Variants in SNX25 observed in about 807,000 individuals in gnomAD.
SNX25 encodes sorting nexin-25.
In SNX25, 62 loss-of-function variants were observed where a neutral mutation model predicts 113.7. The observed-to-expected ratio is 0.55, with a 90% CI of 0.44 to 0.67. The LOEUF (loss-of-function observed/expected upper bound fraction) is 0.67, where lower values mean the gene tolerates loss of function less well. Ranked by LOEUF, SNX25 falls within the 30% of genes least tolerant of loss-of-function variation. The pLI is 0.00. For synonymous variants in SNX25, 421 were observed against 436.2 expected, an observed-to-expected ratio of 0.97 and a Z score of 0.43; for missense variants, 1,014 against 1,161.0, an observed-to-expected ratio of 0.87 and a Z score of 1.84.
At chr4:185,329,904 G>T (rs2095182403) in intron 9 of SNX25, among the ~76,000 whole-genome samples, 1 of 152,088 alleles carries the variant, frequency 6.6e-6, no homozygotes, top group South Asian at 2.1e-4. Context: ...AAGACTGGGT[G>T]GGTGGCCAGA....
At chr4:185,261,210 ACTCTTTAC>A (rs1747295726) in intron 3 of SNX25, among the ~76,000 whole-genome samples, 2 of 147,664 alleles carry the variant, frequency 1.4e-5, no homozygotes, top group African/African-American at 5.0e-5. Flanking sequence ...AGACAGCCTC[ACTCTTTAC>A]CCAGGCTGGA....
intron 13 of SNX25, among the ~76,000 whole-genome samples, chr4:185,346,950 A>G (rs1359129289): frequency 4.6e-5 from 7 of 152,294 alleles, no homozygotes; most frequent in African/African-American, 1.7e-4. Flanking sequence ...CTCTAAAGGC[A>G]ACTGCTGTCC....
At chr4:185,335,147 C>T (rs980202693) in intron 10 of SNX25, among the ~76,000 whole-genome samples, 13 of 151,976 alleles carry the variant, frequency 8.6e-5, no homozygotes, top group African/African-American at 1.5e-4. Context: ...TGGTAAAACC[C>T]CGCCTCTACT....
At chr4:185,255,640 C>T (rs151192649) in intron 2 of SNX25, among the ~76,000 whole-genome samples, 128 of 152,128 alleles carry the variant, frequency 8.4e-4, no homozygotes, top group African/African-American at 2.8e-3. Flanking sequence ...ATCTAGTGGA[C>T]GAGGATGCTA....
chr4:185,367,708 C>T (rs1460535382), downstream of SNX25, among the ~76,000 whole-genome samples: 1 of 152,146 alleles, frequency 6.6e-6, no homozygotes, highest in Admixed American at 6.5e-5. Flanking sequence ...ATATAGAGCT[C>T]TCATCCAAAC....
intron 5 of SNX25, among the ~76,000 whole-genome samples, chr4:185,275,057 G>A (rs1220811514): frequency 6.6e-6 from 1 of 152,200 alleles, no homozygotes; most frequent in Non-Finnish European, 1.5e-5. Context: ...CCTTTGCACA[G>A]AGGACAAATA....
chr4:185,324,045 C>G (rs1308776239), intron 9 of SNX25, among the ~76,000 whole-genome samples: 3 of 152,196 alleles, frequency 2.0e-5, no homozygotes, highest in Non-Finnish European at 4.4e-5. Context: ...TGACATACAT[C>G]TTCCCTCATG....
intron 6 of SNX25, among the ~76,000 whole-genome samples, chr4:185,291,389 A>G (rs1381096210): frequency 6.6e-6 from 1 of 152,156 alleles, no homozygotes; most frequent in Non-Finnish European, 1.5e-5. Flanking sequence ...GCCCGTGACA[A>G]CCACCATTCT....
chr4:185,216,965 A>G (rs1458759112), intron 1 of SNX25, among the ~76,000 whole-genome samples: 1 of 152,220 alleles, frequency 6.6e-6, no homozygotes, highest in Non-Finnish European at 1.5e-5. Context: ...GATGACTCAT[A>G]GGAGCTAGGA....
chr4:185,237,844 C>T (rs985091404), intron 1 of SNX25, among the ~76,000 whole-genome samples: 4 of 151,708 alleles, frequency 2.6e-5, no homozygotes, highest in Admixed American at 2.0e-4. Flanking sequence ...GGGCGGATCA[C>T]CTGAGGTCAG....
chr4:185,313,955 A>G (rs777412073), intron 7 of SNX25, among the ~76,000 whole-genome samples: 3 of 152,142 alleles, frequency 2.0e-5, no homozygotes, highest in Non-Finnish European at 4.4e-5. Flanking sequence ...TATTTTTACT[A>G]CTCACTAAGT....
intron 1 of SNX25, among the ~76,000 whole-genome samples, chr4:185,226,682 C>G (rs1741050598): frequency 6.6e-6 from 1 of 152,162 alleles, no homozygotes; most frequent in African/African-American, 2.4e-5. Context: ...AACTCCTGGG[C>G]TCAAGTGATC....
chr4:185,264,550 T>G lies in SNX25; in HGVS notation c.844T>G (p.Ser282Ala). The G allele has an allele frequency of 6.2e-7, 1 of 1,614,034 alleles. No homozygotes were observed. The highest frequency in any genetic ancestry group is 8.5e-7 in the Non-Finnish European group (1 of 1,179,940). ...GGTTCTGGTGTTTTGTCTCCTCCCCTCAAAGGATGTGCAGTCTCTCAGCTT... is the reference window on the plus strand; with the variant it reads ...GGTTCTGGTGTTTTGTCTCCTCCCCGCAAAGGATGTGCAGTCTCTCAGCTT... ...SRVLVFCLLP[S>A]KDVQSLSLRI... Residue 282 changes from serine (S) to alanine (A), a missense_variant, in exon 4 of 19, where the codon TCA becomes GCA. Ser to Ala is a moderately conservative substitution (Grantham distance 99). Transcript: ENST00000652585.
intron 2 of SNX25, among the ~76,000 whole-genome samples, chr4:185,249,204 G>A (rs3108229): frequency 0.45 from 69,111 of 151,996 alleles, 16,538 homozygotes; most frequent in East Asian, 0.56. Context: ...TTTTAACTTT[G>A]TAATAAATTA....
intron 4 of SNX25, among the ~76,000 whole-genome samples, chr4:185,266,427 C>T (rs1254719826): frequency 6.6e-6 from 1 of 152,106 alleles, no homozygotes; most frequent in African/African-American, 2.4e-5. Flanking sequence ...GTGGCGAGAT[C>T]TCGGCTCACT....
chr4:185,354,845 G>T (rs1050498166), intron 15 of SNX25, among the ~76,000 whole-genome samples: 1 of 152,158 alleles, frequency 6.6e-6, no homozygotes, highest in East Asian at 1.9e-4. Flanking sequence ...GATATGGCAG[G>T]TGCCCACGGG....
chr4:185,322,562 C>A (rs74947618), intron 8 of SNX25, among the ~76,000 whole-genome samples: 6 of 152,308 alleles, frequency 3.9e-5, no homozygotes, highest in Non-Finnish European at 8.8e-5. Flanking sequence ...TAAATCCAGT[C>A]CTATAGTGTC....
At chr4:185,315,220 T>A (rs1484463745) in intron 7 of SNX25, among the ~76,000 whole-genome samples, 1 of 134,686 alleles carries the variant, frequency 7.4e-6, no homozygotes, top group African/African-American at 2.7e-5. Context: ...AGAGCAAGAC[T>A]CCATCTCAAA....
Position 185,287,863 on chromosome 4 carries a change from C to T in SNX25, c.1092-149C>T, listed in dbSNP as rs113725339. On this transcript the variant is annotated intron_variant, in intron 5 of 18. Transcript: ENST00000652585. ...TGGGGCCCGGCCTATTGTAGATGCTCGGTCTATGTCGGATTATTTTATGGA... is the reference window on the plus strand; with the variant it reads ...TGGGGCCCGGCCTATTGTAGATGCTTGGTCTATGTCGGATTATTTTATGGA... 1,054 of 614,220 alleles carry T rather than the reference C, an allele frequency of 1.7e-3. 3 individuals carry two copies. Among genetic ancestry groups the T allele is most frequent in the Non-Finnish European group, 2.1e-3 (775 of 368,624 alleles). The allele number at this position is 614,220 out of a possible 1,614,324, so 38.0% of individuals were successfully genotyped here. A position where few individuals can be genotyped will look rare whatever the true frequency, so the allele number is the denominator to read the frequency against.
Sources: gnomAD v4.1 joint callset for allele counts (sites outside exome capture counted in the v4.1 genomes callset) on GRCh38, gnomAD v4.1.1 for gene constraint, MANE v1.5 for transcripts, NCBI Gene and HGNC (gene_info 2026-07-23, HGNC 2026-07-21) for gene names.